GPC3: variants seen among roughly 807,000 people sequenced by gnomAD.
GPC3 encodes glypican-3.
A neutral mutation model predicts 34.4 loss-of-function variants in GPC3; 3 were observed. That is an observed-to-expected ratio of 0.09 (90% confidence interval 0.04 to 0.23). GPC3 has a LOEUF of 0.23. Ranked by LOEUF, GPC3 falls within the 10% of genes least tolerant of loss-of-function variation. GPC3 has a pLI of 1.00. For missense variants in GPC3, 351 were observed against 445.6 expected (o/e 0.79, Z 1.91); for synonymous variants, 177 against 174.0 (o/e 1.02, Z -0.13).
chrX:133,622,314 G>C (rs1284474090), intron 6 of GPC3, among the ~76,000 whole-genome samples: 2 of 112,238 alleles, frequency 1.8e-5, no homozygotes, highest in African/African-American at 6.5e-5. Context: ...TGACTTTGAC[G>C]ATTTGAGAGA....
intron 6 of GPC3, among the ~76,000 whole-genome samples, chrX:133,612,208 C>T (rs1016468908): frequency 1.8e-5 from 2 of 111,761 alleles, no homozygotes; most frequent in East Asian, 2.8e-4. Flanking sequence ...TAGGTATGCC[C>T]GCCAGGAATA....
At chrX:133,957,484 TAAAAC>T (rs1034266353) in intron 1 of GPC3, among the ~76,000 whole-genome samples, 31 of 111,215 alleles carry the variant, frequency 2.8e-4, no homozygotes, top group African/African-American at 1.0e-3. Context: ...ATGAAATAAA[TAAAAC>T]AGAAAGAACA....
At position 133,814,872 on chromosome X, in the gene GPC3, C is replaced by T. The variant is rs780791886; in HGVS notation, c.338-60696G>A. ...CATGAGCCACTGTGCGTGACCCACT[C>T]TTGTGGCATTATATATTGTAAATCC... On this transcript the variant is annotated intron_variant, in intron 2 of 7. Coordinates refer to ENST00000370818, the MANE Select transcript of GPC3 (RefSeq NM_004484.4). Among the ~76,000 whole-genome samples the T allele has an allele frequency of 4.3e-4, 48 of 111,574 alleles. No individual in the cohort carries two copies. In the South Asian group the frequency reaches 0.018, roughly 42 times the overall value.
chrX:133,872,130 T>C (rs1018871117), intron 2 of GPC3, among the ~76,000 whole-genome samples: 1 of 111,778 alleles, frequency 8.9e-6, no homozygotes, highest in East Asian at 2.8e-4. Context: ...TTATGTTAAA[T>C]GTCTTTGGGC....
intron 4 of GPC3, among the ~76,000 whole-genome samples, chrX:133,696,719 A>G (rs1165190122): frequency 8.9e-6 from 1 of 112,372 alleles, no homozygotes; most frequent in African/African-American, 3.2e-5. Flanking sequence ...AGTTTGGACA[A>G]TTCGTTGCCT....
In GPC3 at chrX:133,536,031, A is replaced by G; in HGVS notation, c.*93T>C. 5 of 736,583 alleles carry G rather than the reference A, an allele frequency of 6.8e-6. 1 individual carries two copies. In the South Asian group the frequency reaches 1.2e-4, roughly 17 times the overall value. The allele number at this position is 736,583 out of a possible 1,213,427, so 60.7% of individuals were successfully genotyped here. ...GGAGGAGGTATACAGGATAACAAAA[A>G]AAAAAAAATAGAAAAAAATAAGAAA... is the stretch of plus-strand genomic sequence containing the variant. On this transcript the variant is annotated 3_prime_UTR_variant, in exon 8 of 8. Transcript: ENST00000370818.
At chrX:133,965,848 C>A (rs1328060879) in intron 1 of GPC3, among the ~76,000 whole-genome samples, 1 of 110,788 alleles carries the variant, frequency 9.0e-6, no homozygotes, top group Non-Finnish European at 1.9e-5. Context: ...TACCTCAGGG[C>A]TAAAGACTTT....
chrX:133,748,471 C>T, intron 3 of GPC3, among the ~76,000 whole-genome samples: 1 of 111,568 alleles, frequency 9.0e-6, no homozygotes, highest in South Asian at 3.8e-4. Flanking sequence ...AGATATTTAT[C>T]TCAGTTTGCA....
chrX:133,707,442 A>T (rs1444919765), intron 3 of GPC3, among the ~76,000 whole-genome samples: 1 of 111,690 alleles, frequency 9.0e-6, no homozygotes, highest in Non-Finnish European at 1.9e-5. Flanking sequence ...CTTATGTAAC[A>T]CCAGTGTAAT....
intron 3 of GPC3, among the ~76,000 whole-genome samples, chrX:133,707,028 C>T (rs1425068221): frequency 8.9e-6 from 1 of 112,035 alleles, no homozygotes; most frequent in African/African-American, 3.2e-5. Flanking sequence ...CAGCCATAAA[C>T]AAGCATGAAA....
intron 7 of GPC3, among the ~76,000 whole-genome samples, chrX:133,584,930 C>CAAAAAAAAAA (rs68159308): frequency 2.9e-5 from 2 of 68,275 alleles, no homozygotes; most frequent in Non-Finnish European, 5.5e-5. Flanking sequence ...TATAAAAAGC[C>CAAAAAAAAAA]AAAAAAAAAA....
intron 3 of GPC3, among the ~76,000 whole-genome samples, chrX:133,721,866 G>A (rs1294680330): frequency 9.0e-6 from 1 of 111,416 alleles, no homozygotes; most frequent in East Asian, 2.8e-4. Context: ...TGTAATCCTG[G>A]ATTTGACAAT....
At chrX:133,574,695 A>G (rs2124305097) in intron 7 of GPC3, among the ~76,000 whole-genome samples, 1 of 112,486 alleles carries the variant, frequency 8.9e-6, no homozygotes, top group Non-Finnish European at 1.9e-5. Context: ...GGAGTATTTA[A>G]CTAGATCAGA....
chrX:133,985,235 C>T (rs1230963870), intron 1 of GPC3, 40 bp downstream of exon 1: 3 of 1,200,605 alleles, frequency 2.5e-6, no homozygotes, highest in Non-Finnish European at 3.4e-6. Context: ...CGCCTTGCTC[C>T]CCGCTGGGCG....
intron 5 of GPC3, among the ~76,000 whole-genome samples, chrX:133,686,562 G>A (rs1215625340): frequency 9.9e-5 from 11 of 111,209 alleles, no homozygotes; most frequent in Non-Finnish European, 1.9e-4. Flanking sequence ...TAAATCTGTT[G>A]TGACAGAAAG....
chrX:133,878,256 T>C (rs1339734940), intron 2 of GPC3, among the ~76,000 whole-genome samples: 56 of 110,536 alleles, frequency 5.1e-4, no homozygotes, highest in Non-Finnish European at 9.7e-4. Flanking sequence ...GGTGAAACTC[T>C]GTCTCTACAA....
chrX:133,593,353 G>GAAA (rs1569391707), intron 7 of GPC3, among the ~76,000 whole-genome samples: 1 of 58,155 alleles, frequency 1.7e-5, no homozygotes, highest in Admixed American at 1.9e-4. Flanking sequence ...AAAAAAAAAA[G>GAAA]TAAAAAAAAA....
At chrX:133,951,708 T>C (rs1231495390) in intron 2 of GPC3, among the ~76,000 whole-genome samples, 1 of 112,307 alleles carries the variant, frequency 8.9e-6, no homozygotes, top group Admixed American at 9.4e-5. Context: ...CACAAGAGTC[T>C]GACTGCATAA....
chrX:133,573,910 G>A (rs927778787), intron 7 of GPC3, among the ~76,000 whole-genome samples: 1 of 112,020 alleles, frequency 8.9e-6, no homozygotes, highest in African/African-American at 3.2e-5. Flanking sequence ...CAAAAAGTGG[G>A]AAGAAAACAC....
Sources: allele counts gnomAD v4.1 joint callset (sites outside exome capture counted in the v4.1 genomes callset), GRCh38; gene constraint gnomAD v4.1.1; transcripts MANE v1.5; gene names NCBI Gene and HGNC (gene_info 2026-07-23, HGNC 2026-07-21).